Variants in CNBD1 observed in about 807,000 individuals in gnomAD.
The protein encoded by CNBD1 is cyclic nucleotide-binding domain-containing protein 1.
A neutral mutation model predicts 54.4 loss-of-function variants in CNBD1; 71 were observed. The observed-to-expected ratio is 1.30, with a 90% CI of 1.08 to 1.59. The LOEUF (loss-of-function observed/expected upper bound fraction) is 1.59, where lower values mean the gene tolerates loss of function less well. CNBD1 is among the 40% of genes most tolerant of loss of function. The pLI is 0.00. For missense variants in CNBD1, 659 were observed against 518.0 expected (o/e 1.27, Z -2.64); for synonymous variants, 182 against 170.7 (o/e 1.07, Z -0.51).
At chr8:87,252,223 A>G (rs1807930516) in intron 6 of CNBD1, among the ~76,000 whole-genome samples, 1 of 152,190 alleles carries the variant, frequency 6.6e-6, no homozygotes, top group East Asian at 1.9e-4. Flanking sequence ...AGGCTTTTCC[A>G]TTTTTAGGTT....
intron 4 of CNBD1, among the ~76,000 whole-genome samples, chr8:87,058,256 C>T (rs542166418): frequency 3.3e-5 from 5 of 152,324 alleles, no homozygotes; most frequent in South Asian, 2.1e-4. Context: ...TGTTGCTTTG[C>T]GTACAATCCT....
At chr8:87,212,669 G>A (rs1239932010) in intron 5 of CNBD1, among the ~76,000 whole-genome samples, 2 of 151,990 alleles carry the variant, frequency 1.3e-5, no homozygotes, top group Non-Finnish European at 2.9e-5. Context: ...AATAATGAAG[G>A]TAGACCCCTA....
intron 1 of CNBD1, among the ~76,000 whole-genome samples, chr8:86,880,714 C>A (rs945043003): frequency 6.6e-6 from 1 of 151,946 alleles, no homozygotes; most frequent in Non-Finnish European, 1.5e-5. Flanking sequence ...GTTATAGATA[C>A]AACAACAAAA....
chr8:87,379,466 A>G (rs1267830969), intron 10 of CNBD1, among the ~76,000 whole-genome samples: 1 of 151,930 alleles, frequency 6.6e-6, no homozygotes, highest in African/African-American at 2.4e-5. Flanking sequence ...TCCAAAATTG[A>G]CCACATACTG....
intron 4 of CNBD1, among the ~76,000 whole-genome samples, chr8:87,030,779 T>C (rs1809764337): frequency 6.6e-6 from 1 of 151,770 alleles, no homozygotes; most frequent in South Asian, 2.1e-4. Flanking sequence ...CCATAACATC[T>C]GTGTTCAAGG....
At chr8:87,048,303 A>G (rs1027975007) in intron 4 of CNBD1, among the ~76,000 whole-genome samples, 4 of 152,210 alleles carry the variant, frequency 2.6e-5, no homozygotes, top group African/African-American at 9.7e-5. Flanking sequence ...TTCCTTGTCA[A>G]ATAGAAAATC....
rs535076370 is a variant in CNBD1, at chr8:87,181,005, C to T, written c.432-24988C>T. Among the ~76,000 whole-genome samples, 4 of 152,302 alleles carry T rather than the reference C, an allele frequency of 2.6e-5. No homozygotes were observed. The South Asian group carries it at 8.3e-4, about 32-fold the overall frequency. On this transcript the variant is annotated intron_variant, in intron 4 of 10. Coordinates refer to ENST00000518476, the MANE Select transcript of CNBD1 (RefSeq NM_173538.3). Reference sequence around the variant, plus strand: ...TCCTGCTCTGGGCTTTGAATTTCTCCACTCTGCAATCTGTCTATGCTCTTC... The same window carrying T: ...TCCTGCTCTGGGCTTTGAATTTCTCTACTCTGCAATCTGTCTATGCTCTTC...
chr8:87,330,973 C>T (rs1028905684), intron 8 of CNBD1, among the ~76,000 whole-genome samples: 2 of 152,212 alleles, frequency 1.3e-5, no homozygotes, highest in Non-Finnish European at 2.9e-5. Context: ...TTAATTGGTG[C>T]ATTTATATCA....
At chr8:87,289,114 G>C (rs1184600818) in intron 8 of CNBD1, among the ~76,000 whole-genome samples, 1 of 152,044 alleles carries the variant, frequency 6.6e-6, no homozygotes, top group East Asian at 1.9e-4. Context: ...TTGAAAATTA[G>C]CAGTAGTATG....
chr8:86,988,119 G>A (rs1808650666), intron 4 of CNBD1, among the ~76,000 whole-genome samples: 1 of 147,968 alleles, frequency 6.8e-6, no homozygotes, highest in Non-Finnish European at 1.5e-5. Context: ...AATCAATCTG[G>A]TCCAGGGCAT....
chr8:87,410,351 C>A (rs1252439006), intron 2 of CNBD1, among the ~76,000 whole-genome samples: 1 of 152,020 alleles, frequency 6.6e-6, no homozygotes, highest in Non-Finnish European at 1.5e-5. Context: ...TGGTTCTGAG[C>A]AAAGCAAATG....
chr8:87,023,218 T>G (rs2130579931), intron 4 of CNBD1, among the ~76,000 whole-genome samples: 1 of 152,212 alleles, frequency 6.6e-6, no homozygotes, highest in South Asian at 2.1e-4. Context: ...AGGTAACAGA[T>G]GAAAAATACA....
At chr8:86,999,056 A>C (rs1489275677) in intron 4 of CNBD1, among the ~76,000 whole-genome samples, 1 of 152,216 alleles carries the variant, frequency 6.6e-6, no homozygotes, top group Non-Finnish European at 1.5e-5. Flanking sequence ...TCAATATTTA[A>C]ATGTCCATGC....
At chr8:86,957,253 C>T (rs1807800882) in intron 4 of CNBD1, among the ~76,000 whole-genome samples, 1 of 152,142 alleles carries the variant, frequency 6.6e-6, no homozygotes, top group Non-Finnish European at 1.5e-5. Context: ...AAGATTTTTG[C>T]ATCGATGTTC....
intron 8 of CNBD1, among the ~76,000 whole-genome samples, chr8:87,306,448 G>A (rs72666851): frequency 7.6e-4 from 116 of 152,184 alleles, no homozygotes; most frequent in Admixed American, 2.4e-3. Flanking sequence ...ATTTGCACAC[G>A]CATGTTTGTA....
intron 2 of CNBD1, among the ~76,000 whole-genome samples, chr8:87,394,845 T>C (rs1453399378): frequency 6.6e-6 from 1 of 151,842 alleles, no homozygotes; most frequent in Non-Finnish European, 1.5e-5. Context: ...AGAAAATGGG[T>C]ATTTTACACT....
At chr8:87,346,024 G>A (rs1810168983) in intron 8 of CNBD1, among the ~76,000 whole-genome samples, 1 of 151,824 alleles carries the variant, frequency 6.6e-6, no homozygotes, top group South Asian at 2.1e-4. Flanking sequence ...GTCATGTTTT[G>A]TTTAATTTTC....
At chr8:87,142,289 C>T (rs1812386329) in intron 4 of CNBD1, among the ~76,000 whole-genome samples, 1 of 152,060 alleles carries the variant, frequency 6.6e-6, no homozygotes, top group Non-Finnish European at 1.5e-5. Context: ...TGGGAATAAT[C>T]AGTAATGAAG....
At chr8:86,944,310 T>C (rs1281009032) in intron 4 of CNBD1, among the ~76,000 whole-genome samples, 1 of 152,220 alleles carries the variant, frequency 6.6e-6, no homozygotes, top group Admixed American at 6.5e-5. Context: ...TTCCTGGTAT[T>C]GGGACTGTGG....
Sources: gnomAD v4.1 joint callset for allele counts (sites outside exome capture counted in the v4.1 genomes callset) on GRCh38, gnomAD v4.1.1 for gene constraint, MANE v1.5 for transcripts, NCBI Gene and HGNC (gene_info 2026-07-23, HGNC 2026-07-21) for gene names.